Variants in RBBP4 observed in about 807,000 individuals in gnomAD.
The protein encoded by RBBP4 is RB binding protein 4, chromatin remodeling factor.
In RBBP4, 3 loss-of-function variants were observed where a neutral mutation model predicts 57.2. The observed-to-expected ratio is 0.05, with a 90% confidence interval of 0.02 to 0.14. The LOEUF is 0.14. RBBP4 is among the 10% of genes least tolerant of loss of function. RBBP4 has a pLI of 1.00. For missense variants in RBBP4, 107 were observed against 520.6 expected, an observed-to-expected ratio of 0.21 and a Z score of 7.73; for synonymous variants, 151 against 171.5, an observed-to-expected ratio of 0.88 and a Z score of 0.93.
chr1:32,652,294 CTGA>C (rs1647801673), intron 2 of RBBP4: 3 of 475,818 alleles, frequency 6.3e-6, no homozygotes, highest in Non-Finnish European at 7.5e-6. Flanking sequence ...ATAGCTGTAG[CTGA>C]TGATAATACC....
chr1:32,681,884 T>G lies in RBBP4; in HGVS notation c.*2179T>G. 6.2e-7 allele frequency: 1 copy of G among 1,607,560 alleles called. No individual in the cohort carries two copies. Among genetic ancestry groups the G allele is most frequent in the Non-Finnish European group, 8.5e-7 (1 of 1,173,990 alleles). On this transcript the variant is annotated 3_prime_UTR_variant, in exon 12 of 12. Transcript: ENST00000373493. ...CCCTGTAAAGTTGAAAGAAAAAGTT[T>G]ATAACAGTGAACTTCTGAGGTTTAG...
intron 2 of RBBP4, 122 bp downstream of exon 2, chr1:32,652,183 A>G (rs1647779686): frequency 5.8e-6 from 7 of 1,204,180 alleles, no homozygotes; most frequent in South Asian, 3.3e-5. Flanking sequence ...TCTTGGTGAC[A>G]TTTTTTCTAG....
At position 32,684,453 on chromosome 1, in the gene RBBP4, T is replaced by C. The variant is rs578045216; in HGVS notation, c.*4748T>C. On this transcript the variant is annotated 3_prime_UTR_variant, in exon 12 of 12. Coordinates refer to ENST00000373493, the MANE Select transcript of RBBP4 (RefSeq NM_005610.3). ...AACTCACATTGTCCACTCTTACTTA[T>C]AAAACACTTTTTTGTTCATTGTTTA... The C allele has an allele frequency of 1.2e-5, 20 of 1,602,238 alleles. No homozygotes were observed. In the African/African-American group the frequency reaches 1.3e-4, roughly 11 times the overall value.
intron 4 of RBBP4, 99 bp from the exon 5 acceptor site, chr1:32,668,640 T>C: frequency 1.0e-6 from 1 of 961,316 alleles, no homozygotes; most frequent in Non-Finnish European, 1.6e-6. Context: ...CATTTATAAA[T>C]GTTAAGAGCT....
chr1:32,651,278 C>A lies in RBBP4; in HGVS notation c.-29C>A. The A allele has an allele frequency of 1.3e-6, 2 of 1,495,046 alleles. No homozygotes were observed. Among genetic ancestry groups the A allele is most frequent in the African/African-American group, 1.5e-5 (1 of 68,368 alleles). 92.6% of individuals were successfully genotyped at this position (1,495,046 alleles called of 1,614,324 possible). On this transcript the variant is annotated 5_prime_UTR_variant, in exon 1 of 12. Transcript: ENST00000373493. ...CCCGCCCCTCCCGCAACGCTCGACC[C>A]CAGGATTCCCCCGGCTCGCCTGCCC...
Position 32,684,247 on chromosome 1 carries a change from C to T in RBBP4, c.*4542C>T, listed in dbSNP as rs1486533344. The T allele has an allele frequency of 6.2e-7, 1 of 1,614,192 alleles. No individual in the cohort carries two copies. The highest frequency in any genetic ancestry group is 8.5e-7 in the Non-Finnish European group (1 of 1,180,040). On this transcript the variant is annotated 3_prime_UTR_variant, in exon 12 of 12. Transcript: ENST00000373493. ...GTATTAGATGAGATTTGTATAGCAGCAGAAACTGACTTATAAGTAGAGAGC... is the reference window on the plus strand; with the variant it reads ...GTATTAGATGAGATTTGTATAGCAGTAGAAACTGACTTATAAGTAGAGAGC...
intron 11 of RBBP4, among the ~76,000 whole-genome samples, chr1:32,673,808 G>A (rs1557859851): frequency 6.6e-6 from 1 of 152,076 alleles, no homozygotes; most frequent in Non-Finnish European, 1.5e-5. Flanking sequence ...TTTTAAAATA[G>A]TTATATTCGG....
intron 2 of RBBP4, 55 bp downstream of exon 2, chr1:32,652,116 TATTG>T: frequency 6.5e-7 from 1 of 1,540,560 alleles, no homozygotes; most frequent in Non-Finnish European, 8.8e-7. Context: ...AGATTTCTCA[TATTG>T]ATTTTCTTTT....
chr1:32,673,823 G>A (rs1431725853), intron 11 of RBBP4, among the ~76,000 whole-genome samples: 1 of 152,136 alleles, frequency 6.6e-6, no homozygotes, highest in Non-Finnish European at 1.5e-5. Flanking sequence ...ATTCGGCCGA[G>A]CACGTTGGCT....
chr1:32,658,448 C>CT (rs1648240754), intron 3 of RBBP4, among the ~76,000 whole-genome samples: 1 of 151,506 alleles, frequency 6.6e-6, no homozygotes, highest in Non-Finnish European at 1.5e-5. Context: ...ATGGCACTCT[C>CT]TATGTGTATA....
chr1:32,655,551 T>C (rs532503462), intron 2 of RBBP4, among the ~76,000 whole-genome samples: 2 of 152,352 alleles, frequency 1.3e-5, no homozygotes, highest in South Asian at 4.1e-4. Context: ...GAGCTTTGCC[T>C]GTGACATCTG....
At position 32,669,885 on chromosome 1, in the gene RBBP4, C is replaced by T. The variant is rs1285977762; in HGVS notation, c.966+322C>T. 9.9e-5 allele frequency among the ~76,000 whole-genome samples: 7 copies of T among 70,712 alleles called. No homozygotes were observed. Among genetic ancestry groups the T allele is most frequent in the African/African-American group, 8.4e-5 (2 of 23,676 alleles). The allele number at this position is 70,712 out of a possible 152,430, so 46.4% of individuals were successfully genotyped here. ...TAGCCTGGGCGACAGAACGAGAGTC[C>T]GTCTCAAAAAAAAAGAAAAAAGAAA... On this transcript the variant is annotated intron_variant, in intron 8 of 11. Coordinates refer to ENST00000373493, the MANE Select transcript of RBBP4 (RefSeq NM_005610.3). This position sits in a 1 kb window ranked among gnomAD's most constrained non-coding sequence, Gnocchi z 4.9.
intron 3 of RBBP4, among the ~76,000 whole-genome samples, chr1:32,661,979 G>C (rs1480073359): frequency 3.0e-5 from 4 of 131,864 alleles, no homozygotes; most frequent in African/African-American, 1.1e-4. Flanking sequence ...TCCGCCTCTT[G>C]GGTTCAAGCG....
chr1:32,670,737 C>G (rs79922323), intron 8 of RBBP4, among the ~76,000 whole-genome samples: 116 of 152,040 alleles, frequency 7.6e-4, no homozygotes, highest in African/African-American at 2.7e-3. Context: ...CACGCCCAGC[C>G]GAGCCCAAAA....
intron 11 of RBBP4, 126 bp from the exon 12 acceptor site, chr1:32,679,514 C>A: frequency 1.3e-6 from 1 of 770,632 alleles, no homozygotes; most frequent in Non-Finnish European, 2.0e-6. Context: ...ATAGTTGTAA[C>A]ACAGATTGTG....
Position 32,651,334 on chromosome 1 carries a change from G to C in RBBP4, c.16+12G>C, listed in dbSNP as rs1009600673. 5.6e-5 allele frequency: 82 copies of C among 1,454,732 alleles called. No homozygotes were observed. Among genetic ancestry groups the C allele is most frequent in the Non-Finnish European group, 7.3e-5 (81 of 1,103,810 alleles). 90.1% of individuals were successfully genotyped at this position (1,454,732 alleles called of 1,614,324 possible). ...GGCCGACAAGGAAGGTGAGGGTGCC[G>C]GGGCCGACCCAGGAGGGCAGTGGGT... On this transcript the variant is annotated intron_variant, in intron 1 of 11. Transcript: ENST00000373493.
rs1649597937 is a variant in RBBP4, at chr1:32,683,607, A to T, written c.*3902A>T. 1 of 157,990 alleles carries T rather than the reference A, an allele frequency of 6.3e-6. No homozygotes were observed. The highest frequency in any genetic ancestry group is 2.4e-5 in the African/African-American group (1 of 41,526). 9.8% of individuals were successfully genotyped at this position (157,990 alleles called of 1,614,324 possible). A position where few individuals can be genotyped will look rare whatever the true frequency, so the allele number is the denominator to read the frequency against. On this transcript the variant is annotated 3_prime_UTR_variant, in exon 12 of 12. Coordinates refer to ENST00000373493, the MANE Select transcript of RBBP4 (RefSeq NM_005610.3). Reference sequence around the variant, plus strand: ...GGGTTATCCCCTTGTCATTAGGCACACAAGGGTTTTTTGTTGTTTTTGTTT... The same window carrying T: ...GGGTTATCCCCTTGTCATTAGGCACTCAAGGGTTTTTTGTTGTTTTTGTTT...
intron 3 of RBBP4, among the ~76,000 whole-genome samples, chr1:32,662,093 C>T (rs1648444337): frequency 6.6e-6 from 1 of 150,938 alleles, no homozygotes; most frequent in Non-Finnish European, 1.5e-5. Flanking sequence ...ACTATGTTGG[C>T]CAGGATGATC....
intron 3 of RBBP4, among the ~76,000 whole-genome samples, chr1:32,665,678 TAA>T (rs57130788): frequency 6.6e-5 from 9 of 136,530 alleles, no homozygotes; most frequent in South Asian, 2.3e-4. Flanking sequence ...ACCCTGTCTT[TAA>T]AAAAAAAAAA....
Sources: allele counts gnomAD v4.1 joint callset (sites outside exome capture counted in the v4.1 genomes callset), GRCh38; gene constraint gnomAD v4.1.1; non-coding constraint Gnocchi (gnomAD v3.1); transcripts MANE v1.5; gene names NCBI Gene and HGNC (gene_info 2026-07-23, HGNC 2026-07-21).